The following ZNF618 variants were observed in gnomAD, a reference collection of about 807,000 sequenced individuals.
The protein encoded by ZNF618 is zinc finger protein 618.
A neutral mutation model predicts 103.0 loss-of-function variants in ZNF618; 34 were observed. That is an observed-to-expected ratio of 0.33 (90% CI 0.25 to 0.44). ZNF618 has a LOEUF of 0.44. Ranked by LOEUF, ZNF618 falls within the 20% of genes least tolerant of loss-of-function variation. The probability of loss-of-function intolerance (pLI) is 1.00; values close to 1 mark genes in which losing one functional copy is unlikely to be tolerated. For synonymous variants in ZNF618, 551 were observed against 542.2 expected, an observed-to-expected ratio of 1.02 and a Z score of -0.23; for missense variants, 1,059 against 1,295.4, an observed-to-expected ratio of 0.82 and a Z score of 2.80.
chr9:113,890,205 A>G (rs1351359144), intron 1 of ZNF618, among the ~76,000 whole-genome samples: 3 of 152,240 alleles, frequency 2.0e-5, no homozygotes, highest in Non-Finnish European at 4.4e-5. Flanking sequence ...CTATAAAAAT[A>G]ACATGTTCAT....
At chr9:113,896,340 T>C (rs1385156961) in intron 1 of ZNF618, among the ~76,000 whole-genome samples, 16 of 152,208 alleles carry the variant, frequency 1.1e-4, no homozygotes, top group Non-Finnish European at 2.9e-5. Context: ...CACTTACAGA[T>C]GTGTAAGTGT....
Position 114,050,254 on chromosome 9 carries a change from A to G in ZNF618, c.*87A>G. The G allele has an allele frequency of 6.9e-7, 1 of 1,458,644 alleles. No homozygotes were observed. The highest frequency in any genetic ancestry group is 9.1e-7 in the Non-Finnish European group (1 of 1,097,804). The allele number at this position is 1,458,644 out of a possible 1,614,324, so 90.4% of individuals were successfully genotyped here. ...ACACTGTCACAAAGAAAAGGAATTTAAGTTCTAAACACTGTGGACCTCATT... is the reference window on the plus strand; with the variant it reads ...ACACTGTCACAAAGAAAAGGAATTTGAGTTCTAAACACTGTGGACCTCATT... On this transcript the variant is annotated 3_prime_UTR_variant, in exon 15 of 15. Coordinates refer to ENST00000374126, the MANE Select transcript of ZNF618 (RefSeq NM_001318042.2).
In ZNF618 at chr9:113,884,572, C is replaced by T. The variant is rs532073072; in HGVS notation, c.33+8159C>T. 1.2e-4 allele frequency among the ~76,000 whole-genome samples: 19 copies of T among 152,288 alleles called. 1 individual carries two copies. Among genetic ancestry groups the T allele is most frequent in the African/African-American group, 4.6e-4 (19 of 41,574 alleles). ...CCATTCCCCATCCTCTAGCCTGTGGCAGACATCACTAATTGACCATGGTAG... is the reference window on the plus strand; with the variant it reads ...CCATTCCCCATCCTCTAGCCTGTGGTAGACATCACTAATTGACCATGGTAG... On this transcript the variant is annotated intron_variant, in intron 1 of 14. Coordinates refer to ENST00000374126, the MANE Select transcript of ZNF618 (RefSeq NM_001318042.2).
In ZNF618 at chr9:114,052,966, T is replaced by G. The variant is rs959554764; in HGVS notation, c.*2799T>G. The stretch of plus-strand genomic sequence containing the variant: ...TAGGGGTTGGCTTGCCTCTGCAGGT[T>G]TGATGTGAATGCCACTGGGTACTCA... On this transcript the variant is annotated 3_prime_UTR_variant, in exon 15 of 15. Coordinates refer to ENST00000374126, the MANE Select transcript of ZNF618 (RefSeq NM_001318042.2). 3.9e-5 allele frequency: 6 copies of G among 152,246 alleles called. No individual in the cohort carries two copies. The highest frequency in any genetic ancestry group is 1.4e-4 in the African/African-American group (6 of 41,444). The allele number at this position is 152,246 out of a possible 1,614,324, so 9.4% of individuals were successfully genotyped here. A position where few individuals can be genotyped will look rare whatever the true frequency, so the allele number is the denominator to read the frequency against.
chr9:114,033,146 A>C (rs1844249255), intron 12 of ZNF618, among the ~76,000 whole-genome samples: 3 of 152,178 alleles, frequency 2.0e-5, no homozygotes, highest in Admixed American at 6.5e-5. Flanking sequence ...GCCGTGGCTC[A>C]CACCTGTAAT....
chr9:113,895,670 A>T (rs538939406), intron 1 of ZNF618, among the ~76,000 whole-genome samples: 2 of 152,142 alleles, frequency 1.3e-5, no homozygotes, highest in African/African-American at 2.4e-5. Flanking sequence ...AAGGATTCTG[A>T]GGCCTTGTCA....
At chr9:113,934,168 C>T (rs1017454416) in intron 1 of ZNF618, among the ~76,000 whole-genome samples, 1 of 152,144 alleles carries the variant, frequency 6.6e-6, no homozygotes. Context: ...GGGCCCAACT[C>T]ACGGGCACAC....
intron 1 of ZNF618, among the ~76,000 whole-genome samples, chr9:113,912,362 G>A (rs1488860463): frequency 6.6e-6 from 1 of 152,204 alleles, no homozygotes; most frequent in African/African-American, 2.4e-5. Flanking sequence ...AGGCCTGGCA[G>A]ATGCAGGCAG....
chr9:113,902,718 A>G (rs1463444175), intron 1 of ZNF618, among the ~76,000 whole-genome samples: 3 of 152,210 alleles, frequency 2.0e-5, no homozygotes, highest in African/African-American at 7.2e-5. Flanking sequence ...ACCTCCGAGC[A>G]TTTTAATCAA....
chr9:114,032,002 G>A (rs370810280), intron 11 of ZNF618, among the ~76,000 whole-genome samples: 7 of 152,194 alleles, frequency 4.6e-5, no homozygotes, highest in African/African-American at 1.7e-4. Context: ...AAGAGGGTGG[G>A]CCCCTCAGGT....
Position 113,876,431 on chromosome 9 carries a change from G to C in ZNF618, c.33+18G>C. ...CTCCGCAGGTACGACGGGGGGCCGG[G>C]GGCATGCACCGCGCGGGGGACCCCG... On this transcript the variant is annotated intron_variant, in intron 1 of 14. Coordinates refer to ENST00000374126, the MANE Select transcript of ZNF618 (RefSeq NM_001318042.2). 8.3e-7 allele frequency: 1 copy of C among 1,202,144 alleles called. No homozygotes were observed. Among genetic ancestry groups the C allele is most frequent in the Non-Finnish European group, 1.0e-6 (1 of 968,666 alleles). 74.5% of individuals were successfully genotyped at this position (1,202,144 alleles called of 1,614,324 possible). A position where few individuals can be genotyped will look rare whatever the true frequency, so the allele number is the denominator to read the frequency against.
At chr9:113,926,170 T>C (rs145826625) in intron 1 of ZNF618, among the ~76,000 whole-genome samples, 1 of 151,758 alleles carries the variant, frequency 6.6e-6, no homozygotes, top group Non-Finnish European at 1.5e-5. Context: ...TTTTTTTCTT[T>C]TAGGACTTTC....
intron 1 of ZNF618, among the ~76,000 whole-genome samples, chr9:113,963,565 G>A (rs190153446): frequency 5.3e-5 from 8 of 152,188 alleles, no homozygotes; most frequent in South Asian, 2.1e-4. Flanking sequence ...TGGATTTGAC[G>A]TCATCCACCC....
chr9:113,970,772 G>A (rs1428147584), intron 2 of ZNF618, among the ~76,000 whole-genome samples: 1 of 151,534 alleles, frequency 6.6e-6, no homozygotes, highest in Non-Finnish European at 1.5e-5. Flanking sequence ...GGCCTTCATA[G>A]CCTGTTTATG....
At chr9:114,015,028 T>C (rs138219432) in intron 9 of ZNF618, among the ~76,000 whole-genome samples, 101 of 152,292 alleles carry the variant, frequency 6.6e-4, no homozygotes, top group Non-Finnish European at 1.3e-3. Flanking sequence ...ATTTAGTCTT[T>C]GACAGAGCAA....
Position 114,016,778 on chromosome 9 carries a change from C to G in ZNF618, c.838C>G (p.Pro280Ala). 5 of 1,612,674 alleles carry G rather than the reference C, an allele frequency of 3.1e-6. No homozygotes were observed. Among genetic ancestry groups the G allele is most frequent in the Non-Finnish European group, 4.2e-6 (5 of 1,179,278 alleles). Residue 280 changes from proline (P) to alanine (A), a missense_variant, in exon 10 of 15, where the codon CCC becomes GCC. Transcript: ENST00000374126. ...PYQEHVALHA[P>A]ISTAPGWEPP... ...CCAGGAGCATGTGGCCTTACACGCC[C>G]CCATCAGTGAGTACCTCCTCCCGGT... is the stretch of plus-strand genomic sequence containing the variant.
intron 1 of ZNF618, among the ~76,000 whole-genome samples, chr9:113,884,774 C>G (rs367696348): frequency 4.9e-5 from 7 of 142,290 alleles, no homozygotes; most frequent in East Asian, 2.1e-4. Context: ...CACAAACACA[C>G]AGAGAGAGAG....
chr9:113,902,140 C>G lies in ZNF618; in HGVS notation c.33+25727C>G, dbSNP rs535493350. On this transcript the variant is annotated intron_variant, in intron 1 of 14. Coordinates refer to ENST00000374126, the MANE Select transcript of ZNF618 (RefSeq NM_001318042.2). ...GGTGGAGAGTGCAGACACCGGAGTT[C>G]GCCAGCCTGGATTCAAGTCTTGCCT... Among the ~76,000 whole-genome samples the G allele has an allele frequency of 5.4e-4, 82 of 152,180 alleles. 1 individual carries two copies. Among genetic ancestry groups the G allele is most frequent in the Middle Eastern group, 3.4e-3 (1 of 294 alleles).
intron 2 of ZNF618, among the ~76,000 whole-genome samples, chr9:113,973,252 T>G (rs1796314000): frequency 6.6e-6 from 1 of 152,152 alleles, no homozygotes; most frequent in Admixed American, 6.5e-5. Flanking sequence ...AGAATTAGAT[T>G]AGACGGCTCT....
Sources: gnomAD v4.1 joint callset for allele counts (sites outside exome capture counted in the v4.1 genomes callset) on GRCh38, gnomAD v4.1.1 for gene constraint, MANE v1.5 for transcripts, NCBI Gene and HGNC (gene_info 2026-07-23, HGNC 2026-07-21) for gene names.